The following CADPS variants were observed in gnomAD, a reference collection of about 807,000 sequenced individuals.
CADPS encodes calcium-dependent secretion activator 1.
CADPS carries 57 observed loss-of-function variants against 167.3 expected under a neutral mutation model. That is an observed-to-expected ratio of 0.34 (90% CI 0.28 to 0.42). The LOEUF (loss-of-function observed/expected upper bound fraction) is 0.42, where lower values mean the gene tolerates loss of function less well. CADPS is among the 20% of genes least tolerant of loss of function. CADPS has a pLI of 1.00. For synonymous variants in CADPS, 676 were observed against 635.3 expected (o/e 1.06, Z -0.96); for missense variants, 1,414 against 1,738.1 (o/e 0.81, Z 3.32).
intron 1 of CADPS, among the ~76,000 whole-genome samples, chr3:62,769,559 T>C (rs2087949766): frequency 6.6e-6 from 1 of 152,168 alleles, no homozygotes; most frequent in Admixed American, 6.5e-5. Context: ...TGTTTGCACA[T>C]ACTATTCCCT....
intron 4 of CADPS, among the ~76,000 whole-genome samples, chr3:62,662,054 T>C (rs1161172779): frequency 2.0e-5 from 3 of 152,156 alleles, no homozygotes; most frequent in African/African-American, 7.2e-5. Context: ...CAGTAGACTG[T>C]TGGAGCTATG....
chr3:62,552,240 AG>A (rs2077427295), intron 10 of CADPS, among the ~76,000 whole-genome samples: 1 of 55,888 alleles, frequency 1.8e-5, no homozygotes, highest in Admixed American at 2.6e-4. Context: ...GGGTGGGGGG[AG>A]GGGGGAGGGA....
chr3:62,455,857 G>A lies in CADPS; in HGVS notation c.3636+9510C>T, dbSNP rs1005355694. 5.3e-5 allele frequency among the ~76,000 whole-genome samples: 8 copies of A among 152,158 alleles called. No individual in the cohort carries two copies. Among genetic ancestry groups the A allele is most frequent in the African/African-American group, 1.9e-4 (8 of 41,434 alleles). On this transcript the variant is annotated intron_variant, in intron 26 of 29. Transcript: ENST00000383710. The surrounding 1 kb of genome is among the most constrained non-coding windows in gnomAD (Gnocchi z 4.4). The stretch of plus-strand genomic sequence containing the variant: ...TGAATAGTAATGCTTCTGCACGAAG[G>A]GGTCACTTGTGACCTCTGGTGTCCT...
chr3:62,637,252 C>T (rs2066487737), intron 6 of CADPS, among the ~76,000 whole-genome samples: 1 of 152,088 alleles, frequency 6.6e-6, no homozygotes, highest in African/African-American at 2.4e-5. Context: ...GTCAAGGTTA[C>T]CCAGCTGGTG....
At chr3:62,737,611 C>A (rs973847743) in intron 3 of CADPS, among the ~76,000 whole-genome samples, 18 of 152,188 alleles carry the variant, frequency 1.2e-4, no homozygotes, top group Non-Finnish European at 2.4e-4. Flanking sequence ...TTCTTATAAT[C>A]CTTGGAGTAA....
chr3:62,529,243 TA>T (rs1160830855), intron 13 of CADPS, among the ~76,000 whole-genome samples: 8 of 152,260 alleles, frequency 5.3e-5, no homozygotes, highest in Non-Finnish European at 8.8e-5. Flanking sequence ...TCTTCTTTAT[TA>T]AAAAAATGCA....
At chr3:62,645,651 T>C in intron 6 of CADPS, 71 bp downstream of exon 6, 7 of 1,550,308 alleles carry the variant, frequency 4.5e-6, no homozygotes, top group Non-Finnish European at 6.2e-6. Flanking sequence ...GATCTTTACC[T>C]TGGAGTTGGC....
intron 19 of CADPS, among the ~76,000 whole-genome samples, chr3:62,492,757 C>T (rs1403108224): frequency 6.6e-6 from 1 of 152,108 alleles, no homozygotes; most frequent in Non-Finnish European, 1.5e-5. Flanking sequence ...TTGAGTCATG[C>T]TCTTTGTCAT....
intron 11 of CADPS, among the ~76,000 whole-genome samples, chr3:62,538,006 A>G (rs2075043661): frequency 6.6e-6 from 1 of 152,190 alleles, no homozygotes; most frequent in Non-Finnish European, 1.5e-5. Context: ...GGTTTCCAGA[A>G]GGCAAGTTGA....
chr3:62,849,114 G>A (rs1488858147), intron 1 of CADPS, among the ~76,000 whole-genome samples: 8 of 151,520 alleles, frequency 5.3e-5, no homozygotes, highest in Non-Finnish European at 1.5e-5. Flanking sequence ...TGTGATTTCT[G>A]TACATTGATT....
intron 3 of CADPS, among the ~76,000 whole-genome samples, chr3:62,735,822 T>C (rs1179964273): frequency 4.6e-5 from 7 of 152,198 alleles, no homozygotes; most frequent in Non-Finnish European, 1.0e-4. Flanking sequence ...ACAGCTTTGG[T>C]TGCATGCACA....
chr3:62,498,508 GTTGT>G (rs1204602008), intron 18 of CADPS, among the ~76,000 whole-genome samples: 1 of 151,992 alleles, frequency 6.6e-6, no homozygotes, highest in Non-Finnish European at 1.5e-5. Flanking sequence ...GAAGTGTTAG[GTTGT>G]TTAAGTCCTT....
At chr3:62,450,486 A>C (rs750180919) in intron 26 of CADPS, among the ~76,000 whole-genome samples, 3 of 152,206 alleles carry the variant, frequency 2.0e-5, no homozygotes, top group Admixed American at 6.5e-5. Context: ...ACTGCCCTCA[A>C]AGGGAGGCAA....
chr3:62,504,228 G>A (rs2066239702), intron 17 of CADPS, among the ~76,000 whole-genome samples: 1 of 152,138 alleles, frequency 6.6e-6, no homozygotes, highest in South Asian at 2.1e-4. Context: ...GAATTTGGAA[G>A]ACTCAGTTTT....
At chr3:62,860,949 G>A (rs72884008) in intron 1 of CADPS, among the ~76,000 whole-genome samples, 3,015 of 152,244 alleles carry the variant, frequency 0.02, 98 homozygotes, top group African/African-American at 0.068. Flanking sequence ...ATGAAATCAT[G>A]TTGGAGAAAG....
At chr3:62,488,890 T>C (rs1280155072) in intron 21 of CADPS, among the ~76,000 whole-genome samples, 2 of 152,208 alleles carry the variant, frequency 1.3e-5, no homozygotes, top group Admixed American at 6.5e-5. Flanking sequence ...AGCATAATTT[T>C]AGATAGCAAA....
At chr3:62,405,876 C>T (rs1352304054) in intron 28 of CADPS, among the ~76,000 whole-genome samples, 4 of 152,194 alleles carry the variant, frequency 2.6e-5, no homozygotes, top group South Asian at 2.1e-4. Context: ...TCCAGAAAGG[C>T]GCTTCAAGGC....
At chr3:62,432,879 G>T (rs2054251427) in intron 28 of CADPS, among the ~76,000 whole-genome samples, 1 of 152,200 alleles carries the variant, frequency 6.6e-6, no homozygotes, top group African/African-American at 2.4e-5. Context: ...TTATTGCTTA[G>T]AGAGGAGATA....
intron 9 of CADPS, among the ~76,000 whole-genome samples, chr3:62,562,228 G>C (rs748176890): frequency 6.6e-6 from 1 of 152,178 alleles, no homozygotes; most frequent in Non-Finnish European, 1.5e-5. Flanking sequence ...AGTTCCTGGA[G>C]ACTAAGGACT....
Sources: gnomAD v4.1 joint callset for allele counts (sites outside exome capture counted in the v4.1 genomes callset) on GRCh38, gnomAD v4.1.1 for gene constraint, Gnocchi (gnomAD v3.1) non-coding constraint, MANE v1.5 for transcripts, NCBI Gene and HGNC (gene_info 2026-07-23, HGNC 2026-07-21) for gene names.